Variants in NAGPA observed in about 807,000 individuals in gnomAD.
The protein encoded by NAGPA is N-acetylglucosamine-1-phosphodiester alpha-N-acetylglucosaminidase.
In NAGPA, 56 loss-of-function variants were observed where a neutral mutation model predicts 48.5. The observed-to-expected ratio is 1.15, with a 90% CI of 0.93 to 1.44. NAGPA has a LOEUF of 1.44. Ranked by LOEUF, NAGPA falls within the 40% of genes most tolerant of loss-of-function variation. NAGPA has a pLI of 0.00. For synonymous variants in NAGPA, 399 were observed against 315.5 expected (o/e 1.26, Z -2.81); for missense variants, 888 against 735.0 (o/e 1.21, Z -2.41).
chr16:5,028,355 C>T (rs745721258), intron 5 of NAGPA, 170 bp from the exon 6 acceptor site: 322 of 1,314,424 alleles, frequency 2.4e-4, no homozygotes, highest in Non-Finnish European at 3.2e-4. Flanking sequence ...CCACCCGAGC[C>T]TCCTGAGCAG....
rs1567142731 is a variant in NAGPA at position 5,033,267 on chromosome 16, C to T, written c.542+6G>A. The stretch of plus-strand genomic sequence containing the variant: ...CTCGACAGCACGGGGCTCCCTGCCT[C>T]CTCACCCGGTGACCAGGGTCCCGTC... On this transcript the variant is annotated splice_donor_region_variant and intron_variant, in intron 2 of 9. Coordinates refer to ENST00000312251, the MANE Select transcript of NAGPA (RefSeq NM_016256.4). This position sits in a 1 kb window ranked among gnomAD's most constrained non-coding sequence, Gnocchi z 4.2. 3 of 1,589,550 alleles carry T rather than the reference C, an allele frequency of 1.9e-6. No homozygotes were observed. The highest frequency in any genetic ancestry group is 1.7e-6 in the Non-Finnish European group (2 of 1,176,390).
Position 5,027,134 on chromosome 16 carries a change from C to A in NAGPA, c.1340+1G>T, listed in dbSNP as rs1162692081. ...GCCCCAGCTCCCACAGAAGCACCTA[C>A]CTGGTGAAAAAGGAGAGTTCTCCCG... On this transcript the variant is annotated splice_donor_variant, in intron 9 of 9. Transcript: ENST00000312251. LOFTEE classifies it high-confidence loss of function. 3.1e-6 allele frequency: 5 copies of A among 1,614,014 alleles called. No individual in the cohort carries two copies. In the African/African-American group the frequency reaches 5.3e-5, roughly 17 times the overall value.
In NAGPA at chr16:5,033,791, A is replaced by AC. The variant is rs755613116; in HGVS notation, c.86+37dup. 88 of 1,565,836 alleles carry AC rather than the reference A, an allele frequency of 5.6e-5. No individual in the cohort carries two copies. Among genetic ancestry groups the AC allele is most frequent in the Non-Finnish European group, 6.9e-5 (80 of 1,156,970 alleles). On this transcript the variant is annotated intron_variant, in intron 1 of 9. Transcript: ENST00000312251. This position sits in a 1 kb window ranked among gnomAD's most constrained non-coding sequence, Gnocchi z 4.2. ...CTCGTGAGCTCGGAGGACAGGGGGG[A>AC]CCCCCCGAACCAGGCTGGCCCAGGG... is the stretch of plus-strand genomic sequence containing the variant.
rs986035550 is a variant in NAGPA at position 5,033,353 on chromosome 16, G to C, written c.462C>G (p.Ser154Arg). 4.4e-6 allele frequency: 7 copies of C among 1,597,978 alleles called. No individual in the cohort carries two copies. The highest frequency in any genetic ancestry group is 5.9e-6 in the Non-Finnish European group (7 of 1,179,618). The change falls in exon 2 of 10, where the codon AGC becomes AGG. Residue 154 changes from serine to arginine, a missense_variant. By Grantham distance (110) the Ser-to-Arg change is moderately radical. Coordinates refer to ENST00000312251, the MANE Select transcript of NAGPA (RefSeq NM_016256.4). The surrounding 1 kb of genome is among the most constrained non-coding windows in gnomAD (Gnocchi z 4.2). ...CGGAGCTGCTCACCCGCCGCTCGTC[G>C]CTCACCACGTTCCCCAGGCACTCGC... ...NSGECLGNVVSDERRVSSSGG... is the reference protein window; with the variant it reads ...NSGECLGNVVRDERRVSSSGG...
rs1186439242 is a variant in NAGPA at position 5,033,658 on chromosome 16, G to A, written c.157C>T (p.Arg53Trp). The A allele has an allele frequency of 1.9e-6, 3 of 1,582,672 alleles. No homozygotes were observed. Among genetic ancestry groups the A allele is most frequent in the Non-Finnish European group, 1.7e-6 (2 of 1,170,220 alleles). The change falls in exon 2 of 10, where the codon CGG becomes TGG. Residue 53 changes from arginine (R) to tryptophan (W), a missense_variant. Arg to Trp is a moderately radical substitution (Grantham distance 101). Coordinates refer to ENST00000312251, the MANE Select transcript of NAGPA (RefSeq NM_016256.4). The surrounding 1 kb of genome is among the most constrained non-coding windows in gnomAD (Gnocchi z 4.2). ...ARARLPRDCT[R>W]VRAGNREHES... Reference sequence around the variant, plus strand: ...TGCTCGCGGTTGCCGGCGCGCACCCGTGTGCAGTCCCGGGGGAGGCGCGCG... The same window carrying A: ...TGCTCGCGGTTGCCGGCGCGCACCCATGTGCAGTCCCGGGGGAGGCGCGCG...
rs775519207 is a variant in NAGPA, at chr16:5,033,129, T to G, written c.542+144A>C. Reference sequence around the variant, plus strand: ...ATGATACTGGATGATGAATAAACTCTGCAAGGAAGCGATTCCTATCCCCAT... The same window carrying G: ...ATGATACTGGATGATGAATAAACTCGGCAAGGAAGCGATTCCTATCCCCAT... On this transcript the variant is annotated intron_variant, in intron 2 of 9. Transcript: ENST00000312251. The surrounding 1 kb of genome is among the most constrained non-coding windows in gnomAD (Gnocchi z 4.2). 1 of 972,460 alleles carries G rather than the reference T, an allele frequency of 1.0e-6. No homozygotes were observed. The highest frequency in any genetic ancestry group is 1.5e-6 in the Non-Finnish European group (1 of 648,756). 60.2% of individuals were successfully genotyped at this position (972,460 alleles called of 1,614,324 possible).
rs1364418307 is a variant in NAGPA at position 5,033,583 on chromosome 16, C to T, written c.232G>A (p.Val78Met). ...CTGAAGTGCGACACGAAGGTGCGCA[C>T]GGCCAGACCGCCGGCGCCGGGAGTC... ...PATPGAGGLA[V>M]RTFVSHFRDR... The change falls in exon 2 of 10, where the codon GTG becomes ATG. Residue 78 changes from valine to methionine, a missense_variant. Val to Met is a conservative substitution (Grantham distance 21). Transcript: ENST00000312251. This position sits in a 1 kb window ranked among gnomAD's most constrained non-coding sequence, Gnocchi z 4.2. 2.0e-6 allele frequency: 3 copies of T among 1,484,016 alleles called. No individual in the cohort carries two copies. Among genetic ancestry groups the T allele is most frequent in the South Asian group, 1.3e-5 (1 of 76,748 alleles). 91.9% of individuals were successfully genotyped at this position (1,484,016 alleles called of 1,614,324 possible).
chr16:5,028,841 G>A (rs764937404), intron 5 of NAGPA, 39 bp downstream of exon 5: 15 of 1,613,262 alleles, frequency 9.3e-6, no homozygotes, highest in South Asian at 4.4e-5. Flanking sequence ...GGGCAGACCT[G>A]GACTTCAGCC....
rs138557190 is a variant in NAGPA at position 5,033,434 on chromosome 16, C to A, written c.381G>T (p.Ala127=). The A allele has an allele frequency of 5.6e-3, 8,917 of 1,593,836 alleles. 369 individuals are homozygous for A. The African/African-American group carries it at 0.1, about 18-fold the overall frequency. ...ARRRATVEET[A]RAADCRVAQN... Reference sequence around the variant, plus strand: ...GGGCGACACGGCAGTCGGCCGCCCGCGCCGTCTCCTCCACGGTGGCGCGTC... The same window carrying A: ...GGGCGACACGGCAGTCGGCCGCCCGAGCCGTCTCCTCCACGGTGGCGCGTC... Residue 127 remains alanine, a synonymous_variant, in exon 2 of 10, where the codon GCG becomes GCT. Coordinates refer to ENST00000312251, the MANE Select transcript of NAGPA (RefSeq NM_016256.4). This position sits in a 1 kb window ranked among gnomAD's most constrained non-coding sequence, Gnocchi z 4.2.
intron 9 of NAGPA, 59 bp from the exon 10 acceptor site, chr16:5,025,744 A>G: frequency 1.3e-6 from 2 of 1,525,458 alleles, no homozygotes; most frequent in South Asian, 1.2e-5. Flanking sequence ...GGGCTTGGGT[A>G]GCACTGGAGG....
At chr16:5,032,074 G>T (rs1326751869) in intron 2 of NAGPA, among the ~76,000 whole-genome samples, 190 bp from the exon 3 acceptor site, 1 of 152,082 alleles carries the variant, frequency 6.6e-6, no homozygotes, top group African/African-American at 2.4e-5. Flanking sequence ...GCTGAAGCTG[G>T]ACAGGGTTCT....
At position 5,027,321 on chromosome 16, in the gene NAGPA, A is replaced by G. The variant is rs1207467592; in HGVS notation, c.1233T>C (p.His411=). Residue 411 remains histidine (H), a synonymous_variant, in exon 8 of 10, where the codon CAT becomes CAC. Transcript: ENST00000312251. ...TGCCAGTCTTGGGGTCACAGGGACA[A>G]TGGTGCTCACACTTACAAGGCCTCT... ...GCQRPCKCEH[H]CPCDPKTGNC... The G allele has an allele frequency of 1.2e-6, 2 of 1,614,080 alleles. No individual in the cohort carries two copies. Among genetic ancestry groups the G allele is most frequent in the African/African-American group, 2.7e-5 (2 of 74,934 alleles).
At chr16:5,025,965 G>C (rs1042429046) in intron 9 of NAGPA, among the ~76,000 whole-genome samples, 1 of 148,066 alleles carries the variant, frequency 6.8e-6, no homozygotes, top group African/African-American at 2.5e-5. Flanking sequence ...GTCTCGCCCT[G>C]TCATCCAGGC....
At chr16:5,027,445 T>A in intron 7 of NAGPA, 66 bp from the exon 8 acceptor site, 1 of 1,525,422 alleles carries the variant, frequency 6.6e-7, no homozygotes, top group South Asian at 1.1e-5. Context: ...TGTCAGAGCC[T>A]TTCTCGACAG....
chr16:5,028,200 G>C lies in NAGPA; in HGVS notation c.921-15C>G. ...TGTTGTCCTGGCTGTAGAGGGATGT[G>C]ATGTGTGAGGAGAGGACACCCCCAG... On this transcript the variant is annotated splice_polypyrimidine_tract_variant and intron_variant, in intron 5 of 9. Coordinates refer to ENST00000312251, the MANE Select transcript of NAGPA (RefSeq NM_016256.4). 1 of 1,552,930 alleles carries C rather than the reference G, an allele frequency of 6.4e-7. No individual in the cohort carries two copies. Among genetic ancestry groups the C allele is most frequent in the Non-Finnish European group, 8.7e-7 (1 of 1,147,676 alleles).
chr16:5,028,913 T>C lies in NAGPA; in HGVS notation c.887A>G (p.Asn296Ser), dbSNP rs371976728. ...DGGGSATFVL[N>S]GTLASYPSDH... is the part of the protein sequence containing the mutation. ...TGACGGGTAACTGGCCAAGGTCCCG[T>C]TGAGCACAAAGGTGGCAGAGCCACC... Residue 296 changes from asparagine to serine, a missense_variant, in exon 5 of 10, where the codon AAC (asparagine) becomes AGC (serine). By Grantham distance (46) the Asn-to-Ser change is conservative (BLOSUM62 1). Coordinates refer to ENST00000312251, the MANE Select transcript of NAGPA (RefSeq NM_016256.4). 28 of 1,613,938 alleles carry C rather than the reference T, an allele frequency of 1.7e-5. No individual in the cohort carries two copies. The highest frequency in any genetic ancestry group is 4.5e-5 in the East Asian group (2 of 44,892).
chr16:5,033,340 C>T lies in NAGPA; in HGVS notation c.475G>A (p.Val159Met), dbSNP rs1036974117. ...LGNVVSDERR[V>M]SSSGGLQNAQ... Reference sequence around the variant, plus strand: ...TTCTGCAGCCCCCCGGAGCTGCTCACCCGCCGCTCGTCGCTCACCACGTTC... The same window carrying T: ...TTCTGCAGCCCCCCGGAGCTGCTCATCCGCCGCTCGTCGCTCACCACGTTC... The change falls in exon 2 of 10, where the codon GTG becomes ATG. Residue 159 changes from valine (V) to methionine (M), a missense_variant. By Grantham distance (21) the Val-to-Met change is conservative. Transcript: ENST00000312251. The surrounding 1 kb of genome is among the most constrained non-coding windows in gnomAD (Gnocchi z 4.2). 2.5e-6 allele frequency: 4 copies of T among 1,597,746 alleles called. No homozygotes were observed. Among genetic ancestry groups the T allele is most frequent in the Admixed American group, 1.7e-5 (1 of 59,958 alleles).
chr16:5,027,959 C>G (rs776467122), intron 6 of NAGPA, 21 bp downstream of exon 6: 1 of 1,613,866 alleles, frequency 6.2e-7, no homozygotes, highest in Non-Finnish European at 8.5e-7. Flanking sequence ...GCAGAGCCCC[C>G]TCCCCAGAAC....
chr16:5,027,177 G>A lies in NAGPA; in HGVS notation c.1298C>T (p.Pro433Leu). Residue 433 changes from proline (P) to leucine (L), a missense_variant, in exon 9 of 10, where the codon CCT (proline) becomes CTT (leucine). Pro to Leu is a moderately conservative substitution (Grantham distance 98, BLOSUM62 -3). Transcript: ENST00000312251. ...TTCTCCCGCCCTCAGGGTGGCTTCA[G>A]GTGGCTGGAGACACTGCTTTACTGT... ...VSRVKQCLQP[P>L]EATLRAGELS... is the part of the protein sequence containing the mutation. The A allele has an allele frequency of 6.2e-7, 1 of 1,614,264 alleles. No homozygotes were observed. The highest frequency in any genetic ancestry group is 8.5e-7 in the Non-Finnish European group (1 of 1,180,042).
Sources: gnomAD v4.1 joint callset for allele counts (sites outside exome capture counted in the v4.1 genomes callset) on GRCh38, gnomAD v4.1.1 for gene constraint, Gnocchi (gnomAD v3.1) non-coding constraint, MANE v1.5 for transcripts, NCBI Gene and HGNC (gene_info 2026-07-23, HGNC 2026-07-21) for gene names.